RPGRIP1: variants seen among roughly 807,000 people sequenced by gnomAD.
The protein encoded by RPGRIP1 is X-linked retinitis pigmentosa GTPase regulator-interacting protein 1.
In RPGRIP1, 128 loss-of-function variants were observed where a neutral mutation model predicts 157.9. The observed-to-expected ratio is 0.81, with a 90% CI of 0.70 to 0.94. The LOEUF (loss-of-function observed/expected upper bound fraction) is 0.94. Ranked by LOEUF, RPGRIP1 falls within the 40% of genes least tolerant of loss-of-function variation. The probability of loss-of-function intolerance (pLI) is 0.00; values close to 1 mark genes in which losing one functional copy is unlikely to be tolerated. For missense variants in RPGRIP1, 1,486 were observed against 1,545.8 expected (o/e 0.96, Z 0.65); for synonymous variants, 554 against 571.6 (o/e 0.97, Z 0.44).
chr14:21,302,409 C>T lies in RPGRIP1; in HGVS notation c.491-79C>T, dbSNP rs1881071816. Reference sequence around the variant, plus strand: ...CAGGTCTCAAGACTCTATGCCCAGCCCTTCATGTTCCAGTTTCAGTACTTG... The same window carrying T: ...CAGGTCTCAAGACTCTATGCCCAGCTCTTCATGTTCCAGTTTCAGTACTTG... On this transcript the variant is annotated intron_variant, in intron 4 of 24. Coordinates refer to ENST00000400017, the MANE Select transcript of RPGRIP1 (RefSeq NM_020366.4). 3 of 692,458 alleles carry T rather than the reference C, an allele frequency of 4.3e-6. No homozygotes were observed. The African/African-American group carries it at 5.4e-5, about 12-fold the overall frequency. 42.9% of individuals were successfully genotyped at this position (692,458 alleles called of 1,614,324 possible).
At chr14:21,309,348 T>C (rs1476910554) in intron 7 of RPGRIP1, among the ~76,000 whole-genome samples, 1 of 151,616 alleles carries the variant, frequency 6.6e-6, no homozygotes, top group Non-Finnish European at 1.5e-5. Context: ...CCCATCTCTA[T>C]CAAAAATAGA....
intron 23 of RPGRIP1, among the ~76,000 whole-genome samples, chr14:21,346,051 T>A (rs1321965608): frequency 6.6e-6 from 1 of 152,094 alleles, no homozygotes; most frequent in African/African-American, 2.4e-5. Flanking sequence ...CCCCAGGTGA[T>A]CCTTCTGCCT....
rs1392161279 is a variant in RPGRIP1, at chr14:21,325,370, C to A, written c.2354C>A (p.Ala785Asp). ...LSTDVLGGRK[A>D]QEEEFRSESW... ...ACCGATGTGCTTGGAGGCCGGAAGG[C>A]CCAGGAAGAGGAGGTGAGAAAAAAG... Residue 785 changes from alanine to aspartate, a missense_variant, in exon 16 of 25, where the codon GCC becomes GAC. Coordinates refer to ENST00000400017, the MANE Select transcript of RPGRIP1 (RefSeq NM_020366.4). 2 of 1,578,924 alleles carry A rather than the reference C, an allele frequency of 1.3e-6. No individual in the cohort carries two copies. The highest frequency in any genetic ancestry group is 2.3e-5 in the South Asian group (2 of 86,662).
chr14:21,298,617 C>A (rs1255921002), intron 3 of RPGRIP1, among the ~76,000 whole-genome samples: 1 of 151,474 alleles, frequency 6.6e-6, no homozygotes, highest in East Asian at 2.0e-4. Flanking sequence ...CTCATTGTAA[C>A]CCCCAGGAGT....
chr14:21,342,662 C>T lies in RPGRIP1; in HGVS notation c.3340-374C>T, dbSNP rs147319236. Among the ~76,000 whole-genome samples the T allele has an allele frequency of 3.5e-3, 534 of 152,070 alleles. 4 individuals carry two copies. Among genetic ancestry groups the T allele is most frequent in the African/African-American group, 0.01 (434 of 41,470 alleles). On this transcript the variant is annotated intron_variant, in intron 21 of 24. Transcript: ENST00000400017. ...TATTCCACTGTGGTGAAGCCTGGAG[C>T]GACGCACATTGTTCCCACCAAGCAA... is the stretch of plus-strand genomic sequence containing the variant.
intron 3 of RPGRIP1, among the ~76,000 whole-genome samples, chr14:21,297,440 G>A (rs1880834361): frequency 6.6e-6 from 1 of 152,126 alleles, no homozygotes; most frequent in Non-Finnish European, 1.5e-5. Flanking sequence ...TATATACAGT[G>A]ATCTTAGATT....
intron 10 of RPGRIP1, among the ~76,000 whole-genome samples, chr14:21,315,974 G>GTTT (rs35698876): frequency 0.014 from 1,545 of 107,374 alleles, 43 homozygotes; most frequent in African/African-American, 0.033. Flanking sequence ...AATTTTTGTG[G>GTTT]TTTTTTTTTT....
At chr14:21,297,423 A>G (rs112652884) in intron 3 of RPGRIP1, among the ~76,000 whole-genome samples, 1 of 152,136 alleles carries the variant, frequency 6.6e-6, no homozygotes, top group African/African-American at 2.4e-5. Context: ...ACTTCAAAAC[A>G]TATTATTATA....
At chr14:21,303,738 G>A (rs1254442114) in intron 6 of RPGRIP1, among the ~76,000 whole-genome samples, 195 bp downstream of exon 6, 1 of 152,166 alleles carries the variant, frequency 6.6e-6, no homozygotes, top group Non-Finnish European at 1.5e-5. Flanking sequence ...TGTAATCCCA[G>A]CACTTTGGGA....
At chr14:21,346,618 T>C (rs1566370582) in intron 23 of RPGRIP1, among the ~76,000 whole-genome samples, 1 of 152,230 alleles carries the variant, frequency 6.6e-6, no homozygotes, top group Non-Finnish European at 1.5e-5. Context: ...TGGTTTTTGT[T>C]TTTGAAATCT....
intron 24 of RPGRIP1, 77 bp from the exon 25 acceptor site, chr14:21,351,027 C>G (rs1594291741): frequency 2.7e-6 from 2 of 752,038 alleles, no homozygotes; most frequent in East Asian, 5.4e-5. Context: ...ATTTAGCATC[C>G]CCAGTACCTA....
chr14:21,283,878 G>A (rs1382588296), intron 1 of RPGRIP1, among the ~76,000 whole-genome samples: 10 of 152,010 alleles, frequency 6.6e-5, no homozygotes, highest in African/African-American at 9.7e-5. Flanking sequence ...TGATCCATCC[G>A]CCTCAGCCTC....
chr14:21,347,982 T>C (rs1055087854), intron 23 of RPGRIP1, among the ~76,000 whole-genome samples, 190 bp from the exon 24 acceptor site: 34 of 152,214 alleles, frequency 2.2e-4, no homozygotes, highest in Admixed American at 2.0e-3. Context: ...TTCCCTCTTC[T>C]AAAAGGACTG....
intron 23 of RPGRIP1, among the ~76,000 whole-genome samples, chr14:21,347,543 T>G (rs1885687830): frequency 6.6e-6 from 1 of 152,212 alleles, no homozygotes; most frequent in Non-Finnish European, 1.5e-5. Flanking sequence ...TAGCTGTGCT[T>G]TTAAAAGCTT....
rs1886263874 is a variant in RPGRIP1 at position 21,351,293 on chromosome 14, T to TA, written c.*79dup. ...AGTCTCTTATAAAGTTAGCTTGCTA[T>TA]AACATGAATTTGGTTTACTGTGATG... On this transcript the variant is annotated 3_prime_UTR_variant, in exon 25 of 25. Transcript: ENST00000400017. 3.5e-6 allele frequency: 3 copies of TA among 851,076 alleles called. No homozygotes were observed. The highest frequency in any genetic ancestry group is 2.2e-4 in the Middle Eastern group (1 of 4,534). 52.7% of individuals were successfully genotyped at this position (851,076 alleles called of 1,614,324 possible).
At chr14:21,331,587 T>C (rs1240090132) in intron 20 of RPGRIP1, among the ~76,000 whole-genome samples, 1 of 152,038 alleles carries the variant, frequency 6.6e-6, no homozygotes, top group African/African-American at 2.4e-5. Context: ...CCCCTTCAAA[T>C]TTTATGCCTA....
chr14:21,308,370 T>C (rs923832498), intron 7 of RPGRIP1, among the ~76,000 whole-genome samples: 2 of 152,214 alleles, frequency 1.3e-5, no homozygotes, highest in Admixed American at 1.3e-4. Context: ...CACCATCCTT[T>C]TATTGAACAA....
rs1399381217 is a variant in RPGRIP1 at position 21,301,257 on chromosome 14, C to T, written c.490+20C>T. 13 of 1,569,642 alleles carry T rather than the reference C, an allele frequency of 8.3e-6. No homozygotes were observed. The highest frequency in any genetic ancestry group is 1.1e-5 in the Non-Finnish European group (13 of 1,158,270). On this transcript the variant is annotated intron_variant, in intron 4 of 24. Coordinates refer to ENST00000400017, the MANE Select transcript of RPGRIP1 (RefSeq NM_020366.4). ...AGAGGGGTGAGATTTAAGGCTACATCCCCTACAGGGCTAAGACACTGGGAA... is the reference window on the plus strand; with the variant it reads ...AGAGGGGTGAGATTTAAGGCTACATTCCCTACAGGGCTAAGACACTGGGAA...
intron 7 of RPGRIP1, among the ~76,000 whole-genome samples, chr14:21,310,281 G>A (rs1218187271): frequency 6.6e-6 from 1 of 152,100 alleles, no homozygotes; most frequent in Non-Finnish European, 1.5e-5. Flanking sequence ...TCTGAAGTGT[G>A]CTAAGTAACA....
Sources: gnomAD v4.1 joint callset for allele counts (sites outside exome capture counted in the v4.1 genomes callset) on GRCh38, gnomAD v4.1.1 for gene constraint, MANE v1.5 for transcripts, NCBI Gene and HGNC (gene_info 2026-07-23, HGNC 2026-07-21) for gene names.